The following CEP162 variants were observed in gnomAD, a reference collection of about 807,000 sequenced individuals.
CEP162 encodes centrosomal protein 162.
CEP162 carries 141 observed loss-of-function variants against 169.2 expected under a neutral mutation model. That is an observed-to-expected ratio of 0.83 (90% CI 0.73 to 0.96). The LOEUF is 0.96. Ranked by LOEUF, CEP162 falls within the 40% of genes least tolerant of loss-of-function variation. The pLI is 0.00. For missense variants in CEP162, 1,600 were observed against 1,587.2 expected, an observed-to-expected ratio of 1.01 and a Z score of -0.14; for synonymous variants, 540 against 526.4, an observed-to-expected ratio of 1.03 and a Z score of -0.35.
At position 84,201,719 on chromosome 6, in the gene CEP162, AATATAAATAAT is replaced by A. The variant is rs765100809; in HGVS notation, c.718+7_718+17del. 66 of 1,238,726 alleles carry A rather than the reference AATATAAATAAT, an allele frequency of 5.3e-5. No individual in the cohort carries two copies. The highest frequency in any genetic ancestry group is 7.3e-5 in the Non-Finnish European group (64 of 882,666). 76.7% of individuals were successfully genotyped at this position (1,238,726 alleles called of 1,614,324 possible). ...CTAATTTTTTGCCAACTAAAACATG[AATATAAATAAT>A]ATTTACCATTAGCAAGCATGCCAGT... On this transcript the variant is annotated splice_region_variant and intron_variant, in intron 8 of 26. Coordinates refer to ENST00000403245, the MANE Select transcript of CEP162 (RefSeq NM_014895.4).
intron 24 of CEP162, among the ~76,000 whole-genome samples, chr6:84,147,644 A>AAAT (rs2129198898): frequency 6.6e-6 from 1 of 152,268 alleles, no homozygotes; most frequent in South Asian, 2.1e-4. Context: ...GGGGGAAAAT[A>AAAT]AATATGAACA....
chr6:84,164,511 C>T (rs2099527020), intron 18 of CEP162, among the ~76,000 whole-genome samples: 1 of 152,170 alleles, frequency 6.6e-6, no homozygotes, highest in African/African-American at 2.4e-5. Flanking sequence ...GAATACTATG[C>T]AGCCATAAAA....
At chr6:84,132,993 A>G (rs1002823449) in intron 25 of CEP162, among the ~76,000 whole-genome samples, 5 of 151,990 alleles carry the variant, frequency 3.3e-5, no homozygotes, top group African/African-American at 9.7e-5. Context: ...TTGTGGTTTT[A>G]TCTACCTTTG....
At position 84,223,622 on chromosome 6, in the gene CEP162, C is replaced by G. The variant is rs113518835; in HGVS notation, c.58-2451G>C. On this transcript the variant is annotated intron_variant, in intron 2 of 26. Transcript: ENST00000403245. ...GCAAGGATATGGAGAAACTGGAACT[C>G]TAGGCTGGGTGTGGTGGCTCACACC... Among the ~76,000 whole-genome samples, 985 of 150,646 alleles carry G rather than the reference C, an allele frequency of 6.5e-3. 8 individuals are homozygous for G. Among genetic ancestry groups the G allele is most frequent in the African/African-American group, 0.023 (937 of 41,048 alleles).
intron 25 of CEP162, among the ~76,000 whole-genome samples, chr6:84,142,293 A>ATTCTT (rs1245452458): frequency 2.0e-5 from 3 of 152,186 alleles, no homozygotes; most frequent in Non-Finnish European, 4.4e-5. Context: ...GCATTCAACT[A>ATTCTT]TTCTTTTACA....
At chr6:84,205,620 A>C (rs1309128046) in intron 6 of CEP162, among the ~76,000 whole-genome samples, 1 of 152,208 alleles carries the variant, frequency 6.6e-6, no homozygotes, top group Non-Finnish European at 1.5e-5. Flanking sequence ...ATCATACTGA[A>C]TGGGCAAAAG....
chr6:84,206,833 C>T (rs2099547348), intron 6 of CEP162, among the ~76,000 whole-genome samples: 2 of 152,094 alleles, frequency 1.3e-5, no homozygotes. Flanking sequence ...TGACAAAGGG[C>T]TAATATCCAG....
At chr6:84,138,976 C>T (rs2099515348) in intron 25 of CEP162, among the ~76,000 whole-genome samples, 2 of 152,180 alleles carry the variant, frequency 1.3e-5, no homozygotes, top group South Asian at 4.1e-4. Flanking sequence ...TTTCATAATA[C>T]AATTGGCTCT....
chr6:84,149,960 C>CT (rs1233799435), intron 23 of CEP162, among the ~76,000 whole-genome samples: 1 of 152,146 alleles, frequency 6.6e-6, no homozygotes, highest in African/African-American at 2.4e-5. Context: ...TTACCCCAAC[C>CT]TGAGGCTACA....
intron 25 of CEP162, among the ~76,000 whole-genome samples, chr6:84,137,634 C>T (rs2099514724): frequency 6.6e-6 from 1 of 151,926 alleles, no homozygotes; most frequent in Non-Finnish European, 1.5e-5. Context: ...TAGCATCAAT[C>T]CTTAGTTATC....
chr6:84,158,343 G>T (rs1237216893), intron 21 of CEP162, among the ~76,000 whole-genome samples: 2 of 152,062 alleles, frequency 1.3e-5, no homozygotes, highest in African/African-American at 4.8e-5. Context: ...AATTTCAAAG[G>T]GTTGATATAA....
At chr6:84,205,087 C>T (rs1218821936) in intron 6 of CEP162, among the ~76,000 whole-genome samples, 1 of 152,088 alleles carries the variant, frequency 6.6e-6, no homozygotes, top group African/African-American at 2.4e-5. Context: ...AATTAATAGC[C>T]TACCAACCAA....
At chr6:84,186,257 C>T (rs1429132850) in intron 12 of CEP162, 75 bp downstream of exon 12, 3 of 791,900 alleles carry the variant, frequency 3.8e-6, no homozygotes, top group African/African-American at 3.5e-5. Context: ...AAGCACACAC[C>T]TACCAATAGT....
rs757309766 is a variant in CEP162 at position 84,203,986 on chromosome 6, T to C, written c.682A>G (p.Lys228Glu). The C allele has an allele frequency of 5.0e-6, 8 of 1,599,472 alleles. No homozygotes were observed. The African/African-American group carries it at 9.4e-5, about 19-fold the overall frequency. ...TATATAATTGATATATATACCTGTT[T>C]GGGCACACTTATTTTTTCTGATTTG... ...NSKSEKISVPKQEEEKTGMLA... is the reference protein window; with the variant it reads ...NSKSEKISVPEQEEEKTGMLA... The change falls in exon 7 of 27, where the codon AAA (lysine) becomes GAA (glutamate). Residue 228 changes from lysine (K) to glutamate (E), a missense_variant. Coordinates refer to ENST00000403245, the MANE Select transcript of CEP162 (RefSeq NM_014895.4).
intron 12 of CEP162, 31 bp from the exon 13 acceptor site, chr6:84,185,479 C>A (rs986020489): frequency 1.9e-6 from 3 of 1,552,010 alleles, no homozygotes; most frequent in Non-Finnish European, 2.6e-6. Flanking sequence ...CTCTTTAGTA[C>A]CTAAATAAAC....
chr6:84,125,374 G>C, intron 26 of CEP162, 98 bp from the exon 27 acceptor site: 2 of 974,916 alleles, frequency 2.1e-6, no homozygotes, highest in Non-Finnish European at 3.2e-6. Flanking sequence ...GTTTCTTTGG[G>C]GAACTCAGGT....
chr6:84,147,366 TG>T (rs2129198663), intron 24 of CEP162, among the ~76,000 whole-genome samples: 1 of 152,216 alleles, frequency 6.6e-6, no homozygotes, highest in Non-Finnish European at 1.5e-5. Context: ...AGGTTGGTTA[TG>T]GGTACAAACA....
At chr6:84,198,815 A>T (rs2099543253) in intron 9 of CEP162, among the ~76,000 whole-genome samples, 1 of 152,172 alleles carries the variant, frequency 6.6e-6, no homozygotes, top group Non-Finnish European at 1.5e-5. Context: ...TTTAAAGAAG[A>T]GAAAACATGC....
intron 13 of CEP162, among the ~76,000 whole-genome samples, chr6:84,176,765 C>A (rs868574664): frequency 2.0e-5 from 3 of 152,128 alleles, no homozygotes; most frequent in Non-Finnish European, 4.4e-5. Flanking sequence ...ATACATAATA[C>A]TCAACCTATC....
Sources: allele counts gnomAD v4.1 joint callset (sites outside exome capture counted in the v4.1 genomes callset), GRCh38; gene constraint gnomAD v4.1.1; transcripts MANE v1.5; gene names NCBI Gene and HGNC (gene_info 2026-07-23, HGNC 2026-07-21).